COBL: variants seen among roughly 807,000 people sequenced by gnomAD.
COBL encodes protein cordon-bleu.
COBL carries 51 observed loss-of-function variants against 98.8 expected under a neutral mutation model. That is an observed-to-expected ratio of 0.52 (90% confidence interval 0.41 to 0.65). COBL has a LOEUF of 0.65. COBL is among the 30% of genes least tolerant of loss of function. The pLI is 0.00. For missense variants in COBL, 1,617 were observed against 1,617.5 expected, an observed-to-expected ratio of 1.00 and a Z score of 0.01; for synonymous variants, 634 against 651.7, an observed-to-expected ratio of 0.97 and a Z score of 0.41.
At chr7:51,246,914 A>G (rs1796316317) in intron 1 of COBL, among the ~76,000 whole-genome samples, 1 of 152,206 alleles carries the variant, frequency 6.6e-6, no homozygotes. Context: ...AAAATAGCCT[A>G]GGGTGGACCC....
chr7:51,119,992 A>G (rs531083840), intron 6 of COBL, among the ~76,000 whole-genome samples: 4 of 152,328 alleles, frequency 2.6e-5, no homozygotes, highest in African/African-American at 9.6e-5. Flanking sequence ...ATCTCATTAA[A>G]TACAAGATGT....
At position 51,049,797 on chromosome 7, in the gene COBL, G is replaced by A. The variant is rs535066982; in HGVS notation, c.1097-6105C>T. On this transcript the variant is annotated intron_variant, in intron 7 of 12. Coordinates refer to ENST00000265136, the MANE Select transcript of COBL (RefSeq NM_015198.5). ...ATCCCTAGTGTCTGTGTGCACACAC[G>A]GGTGTGCAAATGTTCAGGAGGCACG... 6.6e-3 allele frequency among the ~76,000 whole-genome samples: 1,009 copies of A among 152,286 alleles called. 8 individuals are homozygous for A. The highest frequency in any genetic ancestry group is 9.0e-3 in the Non-Finnish European group (611 of 68,020).
At chr7:51,222,156 C>T (rs977547391) in intron 1 of COBL, among the ~76,000 whole-genome samples, 11 of 151,748 alleles carry the variant, frequency 7.2e-5, no homozygotes, top group Non-Finnish European at 4.4e-5. Flanking sequence ...ACCACTGCAC[C>T]CCAGCCTGGG....
intron 2 of COBL, among the ~76,000 whole-genome samples, chr7:51,196,171 C>T (rs1351863173): frequency 6.6e-6 from 1 of 152,118 alleles, no homozygotes; most frequent in Non-Finnish European, 1.5e-5. Flanking sequence ...AGGTATATTC[C>T]TTCAATACCT....
At chr7:51,165,715 T>C (rs1229150980) in intron 5 of COBL, among the ~76,000 whole-genome samples, 1 of 151,840 alleles carries the variant, frequency 6.6e-6, no homozygotes, top group East Asian at 1.9e-4. Context: ...ATATGTTAAG[T>C]CACAAAACAA....
chr7:51,269,456 G>A (rs1310480463), intron 1 of COBL, among the ~76,000 whole-genome samples: 1 of 152,184 alleles, frequency 6.6e-6, no homozygotes, highest in Non-Finnish European at 1.5e-5. Flanking sequence ...CAACTGCCAC[G>A]CAATGTCCCT....
At chr7:51,207,644 C>CTGG (rs528844930) in intron 2 of COBL, among the ~76,000 whole-genome samples, 45 of 152,376 alleles carry the variant, frequency 3.0e-4, no homozygotes, top group African/African-American at 9.6e-4. Flanking sequence ...GTTGGCCGGG[C>CTGG]TGGTCTCCAG....
intron 6 of COBL, among the ~76,000 whole-genome samples, chr7:51,101,268 T>C (rs1795781171): frequency 6.6e-6 from 1 of 152,202 alleles, no homozygotes. Context: ...TAGTTTAAGG[T>C]GCTTAAACAA....
intron 1 of COBL, among the ~76,000 whole-genome samples, chr7:51,286,228 G>C (rs1392193795): frequency 1.4e-5 from 2 of 146,936 alleles, no homozygotes; most frequent in East Asian, 4.0e-4. Flanking sequence ...ATCATGTCTA[G>C]AGCATAAAGT....
chr7:51,221,228 G>GT (rs1462372320), intron 1 of COBL, among the ~76,000 whole-genome samples: 1 of 152,178 alleles, frequency 6.6e-6, no homozygotes, highest in African/African-American at 2.4e-5. Context: ...CAGAGAGGCA[G>GT]TGAGAGCCTC....
In COBL at chr7:51,316,485, G is replaced by T. The variant is rs546137992; in HGVS notation, c.41+108C>A. ...TGCTCCACCACTACCACCAGCACCC[G>T]CTGGGGCGGCAGAGAGGGCGCCCTG... is the stretch of plus-strand genomic sequence containing the variant. On this transcript the variant is annotated intron_variant, in intron 1 of 12. Transcript: ENST00000265136. 1.4e-3 allele frequency: 1,127 copies of T among 824,396 alleles called. 9 individuals are homozygous for T. The African/African-American group carries it at 0.018, about 13-fold the overall frequency. 51.1% of individuals were successfully genotyped at this position (824,396 alleles called of 1,614,324 possible). A position where few individuals can be genotyped will look rare whatever the true frequency, so the allele number is the denominator to read the frequency against.
At chr7:51,122,939 A>G (rs533869340) in intron 6 of COBL, among the ~76,000 whole-genome samples, 1 of 151,488 alleles carries the variant, frequency 6.6e-6, no homozygotes, top group South Asian at 2.1e-4. Flanking sequence ...AGATCGCACC[A>G]CTGACTGCAC....
chr7:51,131,593 CT>C lies in COBL; in HGVS notation c.957+4564del, dbSNP rs369394848. 9.0e-3 allele frequency among the ~76,000 whole-genome samples: 1,250 copies of C among 139,328 alleles called. 12 individuals are homozygous for C. Among genetic ancestry groups the C allele is most frequent in the African/African-American group, 0.024 (903 of 38,376 alleles). The allele number at this position is 139,328 out of a possible 152,430, so 91.4% of individuals were successfully genotyped here. A position where few individuals can be genotyped will look rare whatever the true frequency, so the allele number is the denominator to read the frequency against. On this transcript the variant is annotated intron_variant, in intron 6 of 12. Transcript: ENST00000265136. ...GTCTTGACAGTAATTGATTCTTCTT[CT>C]TTTTTTTTTTTTTTTCTGAAATGGA...
At chr7:51,074,103 G>A (rs544394257) in intron 7 of COBL, among the ~76,000 whole-genome samples, 101 of 151,806 alleles carry the variant, frequency 6.7e-4, no homozygotes, top group African/African-American at 2.3e-3. Context: ...AAAACCTCCT[G>A]AGACAAACAG....
chr7:51,094,456 T>C (rs912422344), intron 6 of COBL, among the ~76,000 whole-genome samples: 2 of 152,170 alleles, frequency 1.3e-5, no homozygotes, highest in African/African-American at 2.4e-5. Context: ...AATGCATACA[T>C]AGATTAAAAA....
At chr7:51,036,157 C>G (rs766187898) in intron 8 of COBL, among the ~76,000 whole-genome samples, 1 of 152,046 alleles carries the variant, frequency 6.6e-6, no homozygotes, top group Non-Finnish European at 1.5e-5. Flanking sequence ...GCCTGGCCAA[C>G]AGGGCGAAAC....
rs1234959316 is a variant in COBL, at chr7:51,043,382, C to T, written c.1406+1G>A. 6.2e-7 allele frequency: 1 copy of T among 1,613,794 alleles called. No homozygotes were observed. Among genetic ancestry groups the T allele is most frequent in the East Asian group, 2.2e-5 (1 of 44,872 alleles). ...ACCCACCCATCCTTCCCGTGACTCACCTCAGATGTGAGTTCTCAGAGCCAT... is the reference window on the plus strand; with the variant it reads ...ACCCACCCATCCTTCCCGTGACTCATCTCAGATGTGAGTTCTCAGAGCCAT... On this transcript the variant is annotated splice_donor_variant, in intron 8 of 12. Coordinates refer to ENST00000265136, the MANE Select transcript of COBL (RefSeq NM_015198.5). LOFTEE classifies it high-confidence loss of function.
chr7:51,279,442 A>G (rs988718612), intron 1 of COBL, among the ~76,000 whole-genome samples: 1 of 152,000 alleles, frequency 6.6e-6, no homozygotes, highest in Non-Finnish European at 1.5e-5. Context: ...TTTAATATGA[A>G]ATCAACTGGC....
intron 2 of COBL, among the ~76,000 whole-genome samples, chr7:51,195,044 T>C (rs1411682173): frequency 6.6e-6 from 1 of 152,184 alleles, no homozygotes; most frequent in Non-Finnish European, 1.5e-5. Context: ...TGTCAGGTTT[T>C]GCTTTTGTTG....
Sources: allele counts gnomAD v4.1 joint callset (sites outside exome capture counted in the v4.1 genomes callset), GRCh38; gene constraint gnomAD v4.1.1; transcripts MANE v1.5; gene names NCBI Gene and HGNC (gene_info 2026-07-23, HGNC 2026-07-21).